NEGR1: variants seen among roughly 807,000 people sequenced by gnomAD.
NEGR1 encodes the protein neuronal growth regulator 1, also known as IgLON family member 4.
In NEGR1, 10 loss-of-function variants were observed where a neutral mutation model predicts 40.9. That is an observed-to-expected ratio of 0.24 (90% confidence interval 0.15 to 0.42). NEGR1 has a LOEUF of 0.42. Among genes scored for constraint, NEGR1 ranks in the 10% least tolerant of loss-of-function variants. The pLI is 1.00. For synonymous variants in NEGR1, 185 were observed against 166.8 expected (o/e 1.11, Z -0.84); for missense variants, 352 against 438.9 (o/e 0.80, Z 1.77).
chr1:72,019,106 G>A (rs191304339), intron 1 of NEGR1, among the ~76,000 whole-genome samples: 20 of 152,296 alleles, frequency 1.3e-4, no homozygotes, highest in Non-Finnish European at 1.5e-4. Context: ...AACAAGGGGA[G>A]AAGTCAAGGA....
intron 1 of NEGR1, among the ~76,000 whole-genome samples, chr1:71,967,736 A>C (rs970316039): frequency 2.0e-5 from 3 of 152,176 alleles, no homozygotes; most frequent in African/African-American, 7.2e-5. Context: ...TACATGTTTT[A>C]TTTCAAATGT....
At chr1:71,807,377 G>T (rs1327826140) in intron 2 of NEGR1, among the ~76,000 whole-genome samples, 2 of 152,006 alleles carry the variant, frequency 1.3e-5, no homozygotes, top group African/African-American at 4.8e-5. Flanking sequence ...AGATAAAAGA[G>T]AAGTCAATCA....
intron 1 of NEGR1, among the ~76,000 whole-genome samples, chr1:72,117,888 G>A (rs566839304): frequency 1.2e-3 from 188 of 151,654 alleles, no homozygotes; most frequent in Admixed American, 2.8e-3. Context: ...AAGAGAAGTG[G>A]TGAAAAGTAT....
intron 3 of NEGR1, among the ~76,000 whole-genome samples, chr1:71,767,996 T>C (rs996006654): frequency 2.6e-5 from 4 of 152,202 alleles, no homozygotes; most frequent in Non-Finnish European, 5.9e-5. Context: ...TGGAAGCCTC[T>C]GCTTAGATTT....
chr1:71,906,237 G>A (rs1661270889), intron 2 of NEGR1, among the ~76,000 whole-genome samples: 1 of 151,902 alleles, frequency 6.6e-6, no homozygotes, highest in Admixed American at 6.6e-5. Flanking sequence ...ACTTGGTGGG[G>A]AGAAGGGGGA....
At chr1:71,416,220 A>C (rs1646354238) in intron 6 of NEGR1, among the ~76,000 whole-genome samples, 1 of 152,178 alleles carries the variant, frequency 6.6e-6, no homozygotes, top group Non-Finnish European at 1.5e-5. Flanking sequence ...ATGATCTTAT[A>C]CATGTGGGTA....
chr1:72,016,180 C>T (rs889845403), intron 1 of NEGR1, among the ~76,000 whole-genome samples: 1 of 151,808 alleles, frequency 6.6e-6, no homozygotes, highest in Non-Finnish European at 1.5e-5. Flanking sequence ...CAAAGGAGAA[C>T]AGGAGATTAA....
At chr1:71,447,674 A>T (rs142440724) in intron 6 of NEGR1, among the ~76,000 whole-genome samples, 2 of 152,212 alleles carry the variant, frequency 1.3e-5, no homozygotes, top group African/African-American at 4.8e-5. Flanking sequence ...TGTACTGCCC[A>T]GTGTTTGAAC....
chr1:71,756,745 T>A (rs568129344), intron 3 of NEGR1, among the ~76,000 whole-genome samples: 1 of 152,166 alleles, frequency 6.6e-6, no homozygotes, highest in African/African-American at 2.4e-5. Context: ...ATGACAATGC[T>A]ATGATGATGC....
At chr1:71,702,281 T>G (rs1183963347) in intron 3 of NEGR1, among the ~76,000 whole-genome samples, 1 of 152,092 alleles carries the variant, frequency 6.6e-6, no homozygotes, top group Admixed American at 6.6e-5. Flanking sequence ...ATTGTTTCCC[T>G]TTCAAAGTTT....
At chr1:71,900,071 C>T (rs1032109386) in intron 2 of NEGR1, among the ~76,000 whole-genome samples, 3 of 152,122 alleles carry the variant, frequency 2.0e-5, no homozygotes, top group Admixed American at 2.0e-4. Context: ...ATTTCTCTAC[C>T]TCCAGCCAAA....
At chr1:71,563,314 G>A (rs769588087) in intron 6 of NEGR1, among the ~76,000 whole-genome samples, 10 of 151,892 alleles carry the variant, frequency 6.6e-5, no homozygotes, top group East Asian at 1.9e-4. Flanking sequence ...ATAAATGGCC[G>A]GTGCATGAAC....
intron 1 of NEGR1, among the ~76,000 whole-genome samples, chr1:72,082,113 C>A (rs1437022659): frequency 1.3e-5 from 2 of 152,008 alleles, no homozygotes; most frequent in African/African-American, 4.8e-5. Flanking sequence ...AATGTGTGAG[C>A]CCATTTTCCA....
rs1199468194 is a variant in NEGR1 at position 71,735,848 on chromosome 1, T to A, written c.536-37709A>T. Among the ~76,000 whole-genome samples, 4 of 152,108 alleles carry A rather than the reference T, an allele frequency of 2.6e-5. No individual in the cohort carries two copies. In the South Asian group the frequency reaches 8.3e-4, roughly 32 times the overall value. Reference sequence around the variant, plus strand: ...GCATCTGAGAATAATATCAGGTGCTTAAAGGAATTTGAAAAAAAATTAAAT... The same window carrying A: ...GCATCTGAGAATAATATCAGGTGCTAAAAGGAATTTGAAAAAAAATTAAAT... On this transcript the variant is annotated intron_variant, in intron 3 of 6. Transcript: ENST00000357731.
At chr1:72,012,568 A>G (rs1273028742) in intron 1 of NEGR1, among the ~76,000 whole-genome samples, 1 of 152,030 alleles carries the variant, frequency 6.6e-6, no homozygotes, top group Non-Finnish European at 1.5e-5. Flanking sequence ...ATTTTGAGCA[A>G]TGAGAACAGA....
chr1:71,423,641 A>G (rs1646411146), intron 6 of NEGR1, among the ~76,000 whole-genome samples: 1 of 152,166 alleles, frequency 6.6e-6, no homozygotes, highest in Non-Finnish European at 1.5e-5. Context: ...TGCCATAGAT[A>G]ACTTACTATT....
chr1:71,962,262 C>A (rs984608974), intron 1 of NEGR1, among the ~76,000 whole-genome samples: 22 of 152,036 alleles, frequency 1.4e-4, no homozygotes, highest in African/African-American at 1.7e-4. Flanking sequence ...GGAAAGAAAT[C>A]AAAAAACATG....
chr1:71,950,162 T>C (rs1307247409), intron 1 of NEGR1, among the ~76,000 whole-genome samples: 1 of 152,052 alleles, frequency 6.6e-6, no homozygotes, highest in Non-Finnish European at 1.5e-5. Context: ...CTTGGTGAAA[T>C]ATCATTCCTG....
intron 6 of NEGR1, among the ~76,000 whole-genome samples, chr1:71,477,668 G>A (rs1646830004): frequency 6.6e-6 from 1 of 152,106 alleles, no homozygotes; most frequent in African/African-American, 2.4e-5. Context: ...TAGATGGGCA[G>A]TGGGGTGCTT....
Sources: gnomAD v4.1 joint callset for allele counts (sites outside exome capture counted in the v4.1 genomes callset) on GRCh38, gnomAD v4.1.1 for gene constraint, MANE v1.5 for transcripts, NCBI Gene and HGNC (gene_info 2026-07-23, HGNC 2026-07-21) for gene names.